The following CFAP47 variants were observed in gnomAD, a reference collection of about 807,000 sequenced individuals.
The protein encoded by CFAP47 is cilia and flagella associated protein 47.
In CFAP47, 29 loss-of-function variants were observed where a neutral mutation model predicts 148.1. That is an observed-to-expected ratio of 0.20 (90% CI 0.15 to 0.27). CFAP47 has a LOEUF of 0.27. Among genes scored for constraint, CFAP47 ranks in the 10% least tolerant of loss-of-function variants. The pLI, the probability that CFAP47 is intolerant of heterozygous loss-of-function variation, is 1.00. For synonymous variants in CFAP47, 664 were observed against 577.3 expected (o/e 1.15, Z -2.15); for missense variants, 1,872 against 1,697.5 (o/e 1.10, Z -1.81).
Position 35,967,789 on chromosome X carries a change from C to G in CFAP47, c.1771C>G (p.Arg591Gly), listed in dbSNP as rs1936430780. The change falls in exon 10 of 64, where the codon CGA becomes GGA. Residue 591 changes from arginine (R) to glycine (G), a missense_variant. Physicochemically the swap from Arg to Gly is moderately radical, Grantham distance 125 (BLOSUM62 -2). Coordinates refer to ENST00000378653, the MANE Select transcript of CFAP47 (RefSeq NM_001304548.2). ...KDMLLAFPND[R>G]AATIRSKDHH... ...TATGCTATTAGCCTTTCCCAATGACCGAGCTGCAACTATCAGGTCTAAAGA... is the reference window on the plus strand; with the variant it reads ...TATGCTATTAGCCTTTCCCAATGACGGAGCTGCAACTATCAGGTCTAAAGA... The G allele has an allele frequency of 5.8e-6, 7 of 1,207,634 alleles. No homozygotes were observed. The highest frequency in any genetic ancestry group is 3.5e-5 in the African/African-American group (2 of 57,328).
intron 41 of CFAP47, among the ~76,000 whole-genome samples, chrX:36,189,351 C>G (rs1284747788): frequency 9.0e-6 from 1 of 110,970 alleles, no homozygotes; most frequent in African/African-American, 3.3e-5. Flanking sequence ...TCTGCTGGGG[C>G]TCTTGGCCTG....
At chrX:36,215,544 G>A (rs1340806262) in intron 45 of CFAP47, among the ~76,000 whole-genome samples, 1 of 110,529 alleles carries the variant, frequency 9.0e-6, no homozygotes, top group Admixed American at 9.7e-5. Flanking sequence ...AAGTGGCTGA[G>A]GTTGATGGAG....
At chrX:36,118,335 T>C (rs1938677765) in intron 33 of CFAP47, among the ~76,000 whole-genome samples, 1 of 111,782 alleles carries the variant, frequency 8.9e-6, no homozygotes, top group South Asian at 3.7e-4. Flanking sequence ...TTGGGTGGTA[T>C]GGACATTTAA....
At chrX:35,953,501 A>G in intron 6 of CFAP47, 91 bp from the exon 7 acceptor site, 1 of 659,811 alleles carries the variant, frequency 1.5e-6, no homozygotes. Context: ...TTGCTTGCAT[A>G]GATTTAAAGA....
At chrX:35,942,410 C>T (rs1286823241) in intron 3 of CFAP47, among the ~76,000 whole-genome samples, 5 of 110,913 alleles carry the variant, frequency 4.5e-5, no homozygotes. Flanking sequence ...TTACTCATCT[C>T]ACTTTCTATG....
intron 8 of CFAP47, among the ~76,000 whole-genome samples, chrX:35,965,560 T>C (rs1284430382): frequency 8.9e-6 from 1 of 112,067 alleles, no homozygotes; most frequent in East Asian, 2.8e-4. Context: ...TTTCTATTTG[T>C]GCATTTATTA....
chrX:36,281,766 TC>T (rs1237940188), intron 50 of CFAP47, among the ~76,000 whole-genome samples: 1 of 111,969 alleles, frequency 8.9e-6, no homozygotes, highest in African/African-American at 3.2e-5. Flanking sequence ...CATCACAGAA[TC>T]CATGGACTAA....
At chrX:36,043,473 A>G (rs1291481774) in intron 25 of CFAP47, among the ~76,000 whole-genome samples, 1 of 112,870 alleles carries the variant, frequency 8.9e-6, no homozygotes, top group Non-Finnish European at 1.9e-5. Flanking sequence ...CACAGGGTAA[A>G]TGTCCATATT....
chrX:36,362,853 A>G (rs1941840829), intron 61 of CFAP47, among the ~76,000 whole-genome samples: 3 of 111,818 alleles, frequency 2.7e-5, no homozygotes, highest in Non-Finnish European at 3.8e-5. Flanking sequence ...AAGAAAGTAT[A>G]CCATACATAT....
chrX:36,251,387 T>C lies in CFAP47; in HGVS notation c.7387T>C (p.Tyr2463His), dbSNP rs1555998214. 2.0e-6 allele frequency: 1 copy of C among 509,441 alleles called. No homozygotes were observed. The allele number at this position is 509,441 out of a possible 1,213,427, so 42.0% of individuals were successfully genotyped here. A position where few individuals can be genotyped will look rare whatever the true frequency, so the allele number is the denominator to read the frequency against. ...WGNPQITVYP[Y>H]KEILYLIHVR... ...AAATCCACAAATTACAGTATACCCT[T>C]ATAAAGAAATTCTGTACCTGATTCA... Residue 2463 changes from tyrosine (Y) to histidine (H), a missense_variant, in exon 49 of 64, where the codon TAT (tyrosine) becomes CAT (histidine). Coordinates refer to ENST00000378653, the MANE Select transcript of CFAP47 (RefSeq NM_001304548.2).
intron 48 of CFAP47, among the ~76,000 whole-genome samples, chrX:36,244,963 A>T (rs1236311513): frequency 2.7e-5 from 3 of 111,771 alleles, no homozygotes; most frequent in African/African-American, 9.7e-5. Context: ...ATCCTCAAAA[A>T]AATAATAGCA....
chrX:36,314,673 A>C, intron 56 of CFAP47, among the ~76,000 whole-genome samples: 1 of 111,641 alleles, frequency 9.0e-6, no homozygotes, highest in East Asian at 2.8e-4. Context: ...CTATCTATCT[A>C]TCTGCCTATC....
At chrX:36,211,476 A>G (rs1940099789) in intron 45 of CFAP47, 2 of 288,473 alleles carry the variant, frequency 6.9e-6, no homozygotes, top group Non-Finnish European at 6.5e-6. Flanking sequence ...TGTCCAGTCC[A>G]CTAGTGATAT....
At position 36,236,006 on chromosome X, in the gene CFAP47, T is replaced by A; in HGVS notation, c.7087T>A (p.Leu2363Ile). ...EGEWFYGPVD[L>I]HVGPDEIVEY... ...AGAATGGTTTTATGGACCTGTTGATTTACATGTTGGACCAGATGAAATTGT... is the reference window on the plus strand; with the variant it reads ...AGAATGGTTTTATGGACCTGTTGATATACATGTTGGACCAGATGAAATTGT... Residue 2363 changes from leucine to isoleucine, a missense_variant, in exon 47 of 64, where the codon TTA (leucine) becomes ATA (isoleucine). By Grantham distance (5) the Leu-to-Ile change is conservative (BLOSUM62 2). Transcript: ENST00000378653. The A allele has an allele frequency of 1.9e-6, 1 of 517,756 alleles. No homozygotes were observed. The allele number at this position is 517,756 out of a possible 1,213,427, so 42.7% of individuals were successfully genotyped here.
chrX:36,104,799 C>T (rs1938439167), intron 33 of CFAP47, 108 bp downstream of exon 33: 1 of 329,434 alleles, frequency 3.0e-6, no homozygotes, highest in Admixed American at 5.5e-5. Context: ...TTCTAGACCC[C>T]TCTCCAACAT....
intron 6 of CFAP47, among the ~76,000 whole-genome samples, chrX:35,952,527 C>G: frequency 8.9e-6 from 1 of 111,875 alleles, no homozygotes; most frequent in East Asian, 2.8e-4. Flanking sequence ...TATATAATAG[C>G]AATTTCAGTG....
intron 30 of CFAP47, among the ~76,000 whole-genome samples, chrX:36,093,774 T>C (rs1938227495): frequency 9.0e-6 from 1 of 111,624 alleles, no homozygotes; most frequent in African/African-American, 3.2e-5. Context: ...TTGAGCGCCT[T>C]ATATATTCTG....
chrX:35,967,944 TAATA>T, intron 10 of CFAP47, 112 bp downstream of exon 10: 1 of 285,883 alleles, frequency 3.5e-6, no homozygotes, highest in Non-Finnish European at 6.0e-6. Flanking sequence ...ATAATAATAA[TAATA>T]ATAATAATAA....
chrX:36,339,812 G>A (rs1941638123), intron 57 of CFAP47, among the ~76,000 whole-genome samples: 1 of 111,953 alleles, frequency 8.9e-6, no homozygotes, highest in Non-Finnish European at 1.9e-5. Flanking sequence ...TTAACTTACA[G>A]GTACTTAGCC....
Sources: allele counts gnomAD v4.1 joint callset (sites outside exome capture counted in the v4.1 genomes callset), GRCh38; gene constraint gnomAD v4.1.1; transcripts MANE v1.5; gene names NCBI Gene and HGNC (gene_info 2026-07-23, HGNC 2026-07-21).